GPC6: variants seen among roughly 807,000 people sequenced by gnomAD.
GPC6 encodes the protein glypican 6.
In GPC6, 14 loss-of-function variants were observed where a neutral mutation model predicts 55.2. The ratio of observed to expected loss-of-function variants is 0.25; its 90% CI spans 0.17 to 0.40. GPC6 has a LOEUF of 0.40. GPC6 is among the 10% of genes least tolerant of loss of function. The pLI, the probability that GPC6 is intolerant of heterozygous loss-of-function variation, is 1.00. For synonymous variants in GPC6, 278 were observed against 259.6 expected, an observed-to-expected ratio of 1.07 and a Z score of -0.68; for missense variants, 641 against 708.5, an observed-to-expected ratio of 0.90 and a Z score of 1.08.
chr13:93,530,594 C>A (rs765930743), intron 1 of GPC6, among the ~76,000 whole-genome samples: 3 of 151,900 alleles, frequency 2.0e-5, no homozygotes, highest in African/African-American at 7.3e-5. Context: ...CTAGAACCGG[C>A]GCATATTGGT....
chr13:94,177,131 A>G (rs1888804151), intron 4 of GPC6, among the ~76,000 whole-genome samples: 1 of 152,242 alleles, frequency 6.6e-6, no homozygotes, highest in South Asian at 2.1e-4. Flanking sequence ...TAACTCAATC[A>G]GCTAAATAGC....
intron 2 of GPC6, among the ~76,000 whole-genome samples, chr13:93,599,976 C>T (rs1420375075): frequency 6.6e-6 from 1 of 152,142 alleles, no homozygotes; most frequent in East Asian, 1.9e-4. Context: ...AAAAAAGCAT[C>T]TTTTAGGAAG....
At chr13:94,349,489 T>G (rs1878433449) in intron 6 of GPC6, among the ~76,000 whole-genome samples, 1 of 152,188 alleles carries the variant, frequency 6.6e-6, no homozygotes, top group East Asian at 1.9e-4. Context: ...GGATCCACAT[T>G]GCCTGTGGAA....
intron 2 of GPC6, among the ~76,000 whole-genome samples, chr13:93,650,956 C>A (rs1880383738): frequency 6.6e-6 from 1 of 152,042 alleles, no homozygotes; most frequent in Non-Finnish European, 1.5e-5. Context: ...TGCTTTAAAA[C>A]TTCCTTGAAA....
chr13:93,357,195 G>C (rs1880877262), intron 1 of GPC6, among the ~76,000 whole-genome samples: 1 of 152,182 alleles, frequency 6.6e-6, no homozygotes, highest in Admixed American at 6.5e-5. Flanking sequence ...AGCTGGGCAA[G>C]TAGGAGTTTT....
chr13:94,162,564 C>A (rs1888204917), intron 4 of GPC6, among the ~76,000 whole-genome samples: 2 of 152,134 alleles, frequency 1.3e-5, no homozygotes, highest in Non-Finnish European at 2.9e-5. Context: ...ATCAGTGTCA[C>A]CCAAGCTGCT....
intron 4 of GPC6, among the ~76,000 whole-genome samples, chr13:94,264,549 C>A (rs1004950095): frequency 6.6e-6 from 1 of 152,090 alleles, no homozygotes; most frequent in Non-Finnish European, 1.5e-5. Flanking sequence ...GGTCACTAGA[C>A]GGTAAAAGAT....
chr13:93,419,638 A>ATTTGGAT, intron 1 of GPC6, among the ~76,000 whole-genome samples: 1 of 152,250 alleles, frequency 6.6e-6, no homozygotes, highest in Non-Finnish European at 1.5e-5. Flanking sequence ...TGCGGATTGA[A>ATTTGGAT]TCCAAGCCTG....
At chr13:94,043,584 A>G (rs1283947386) in intron 4 of GPC6, among the ~76,000 whole-genome samples, 2 of 151,822 alleles carry the variant, frequency 1.3e-5, no homozygotes, top group African/African-American at 2.4e-5. Flanking sequence ...ATGTATATGT[A>G]TATATCTGTC....
intron 1 of GPC6, among the ~76,000 whole-genome samples, chr13:93,424,857 G>A (rs541547337): frequency 6.6e-6 from 1 of 152,218 alleles, no homozygotes; most frequent in South Asian, 2.1e-4. Flanking sequence ...TTGGAAACAG[G>A]ACCACATTTG....
chr13:93,479,614 C>CA (rs1566378227), intron 1 of GPC6, among the ~76,000 whole-genome samples: 3 of 142,296 alleles, frequency 2.1e-5, no homozygotes, highest in Non-Finnish European at 4.7e-5. Flanking sequence ...TGAGACCCCC[C>CA]CCCATCTCTA....
intron 1 of GPC6, among the ~76,000 whole-genome samples, chr13:93,326,019 C>G (rs1283164258): frequency 6.6e-6 from 1 of 152,044 alleles, no homozygotes; most frequent in Non-Finnish European, 1.5e-5. Flanking sequence ...CTTTAGGGAG[C>G]ACAGGGAGAA....
intron 3 of GPC6, among the ~76,000 whole-genome samples, chr13:93,875,172 G>A (rs551083132): frequency 6.6e-5 from 10 of 152,078 alleles, no homozygotes; most frequent in African/African-American, 2.2e-4. Context: ...AGTATTCAGA[G>A]ATACTTGCAT....
rs151310207 is a variant in GPC6 at position 94,178,836 on chromosome 13, C to T, written c.878-107513C>T. On this transcript the variant is annotated intron_variant, in intron 4 of 8. Transcript: ENST00000377047. ...TGTGCAGCCAGCAGAAAGGTGAGAG[C>T]AGATGAGATGATGAATCTAAACGGT... is the stretch of plus-strand genomic sequence containing the variant. Among the ~76,000 whole-genome samples the T allele has an allele frequency of 2.0e-3, 312 of 152,280 alleles. 2 individuals carry two copies. The highest frequency in any genetic ancestry group is 7.1e-3 in the African/African-American group (296 of 41,562).
intron 2 of GPC6, among the ~76,000 whole-genome samples, chr13:93,699,644 C>CT: frequency 6.6e-6 from 1 of 151,912 alleles, no homozygotes; most frequent in Non-Finnish European, 1.5e-5. Flanking sequence ...CCTCAAAAGT[C>CT]TTTTTACTGA....
intron 4 of GPC6, among the ~76,000 whole-genome samples, chr13:94,129,570 C>T (rs1886940366): frequency 6.6e-6 from 1 of 152,124 alleles, no homozygotes; most frequent in Non-Finnish European, 1.5e-5. Flanking sequence ...GAGACTTTGG[C>T]TTGTGTTTTT....
chr13:93,354,644 G>A (rs560915460), intron 1 of GPC6, among the ~76,000 whole-genome samples: 6 of 151,844 alleles, frequency 4.0e-5, no homozygotes, highest in South Asian at 2.1e-4. Flanking sequence ...GATTATAGGC[G>A]TGAGCCACCG....
chr13:93,603,202 T>A (rs149427194), intron 2 of GPC6, among the ~76,000 whole-genome samples: 4 of 152,104 alleles, frequency 2.6e-5, no homozygotes, highest in Non-Finnish European at 5.9e-5. Flanking sequence ...AAAGACATGA[T>A]CTCACTCTGT....
intron 3 of GPC6, among the ~76,000 whole-genome samples, chr13:93,873,934 C>T (rs1889210431): frequency 6.6e-6 from 1 of 151,924 alleles, no homozygotes; most frequent in East Asian, 2.0e-4. Flanking sequence ...TTACCATCTC[C>T]ACTGCTCCAC....
Sources: gnomAD v4.1 joint callset for allele counts (sites outside exome capture counted in the v4.1 genomes callset) on GRCh38, gnomAD v4.1.1 for gene constraint, MANE v1.5 for transcripts, NCBI Gene and HGNC (gene_info 2026-07-23, HGNC 2026-07-21) for gene names.